MIER2: variants seen among roughly 807,000 people sequenced by gnomAD.
MIER2 encodes mesoderm induction early response protein 2.
In MIER2, 30 loss-of-function variants were observed where a neutral mutation model predicts 67.6. The observed-to-expected ratio is 0.44, with a 90% CI of 0.33 to 0.60. The LOEUF is 0.60. MIER2 is among the 20% of genes least tolerant of loss of function. The probability of loss-of-function intolerance (pLI) is 0.02; values close to 1 mark genes in which losing one functional copy is unlikely to be tolerated. For synonymous variants in MIER2, 372 were observed against 312.6 expected, an observed-to-expected ratio of 1.19 and a Z score of -2.00; for missense variants, 702 against 745.1, an observed-to-expected ratio of 0.94 and a Z score of 0.67.
At position 306,024 on chromosome 19, in the gene MIER2, C is replaced by G. The variant is rs1447446376; in HGVS notation, c.*666G>C. 6.6e-6 allele frequency: 1 copy of G among 152,508 alleles called. No homozygotes were observed. The highest frequency in any genetic ancestry group is 2.4e-5 in the African/African-American group (1 of 41,428). 9.4% of individuals were successfully genotyped at this position (152,508 alleles called of 1,614,324 possible). A position where few individuals can be genotyped will look rare whatever the true frequency, so the allele number is the denominator to read the frequency against. On this transcript the variant is annotated 3_prime_UTR_variant, in exon 14 of 14. Coordinates refer to ENST00000264819, the MANE Select transcript of MIER2 (RefSeq NM_017550.3). ...GCTGAGGGACCCCACCCCAACCGCTCAGGATCGGGGAGCAGGGATGGAGGG... is the reference window on the plus strand; with the variant it reads ...GCTGAGGGACCCCACCCCAACCGCTGAGGATCGGGGAGCAGGGATGGAGGG...
chr19:336,048 G>A (rs946690596), intron 2 of MIER2, 35 bp downstream of exon 2: 4 of 1,599,796 alleles, frequency 2.5e-6, no homozygotes, highest in Non-Finnish European at 3.4e-6. Context: ...AAAGGCCTTG[G>A]CGGACCTGAG....
In MIER2 at chr19:326,553, G is replaced by A. The variant is rs887782258; in HGVS notation, c.539C>T (p.Ser180Phe). 8.7e-6 allele frequency: 14 copies of A among 1,614,140 alleles called. No homozygotes were observed. The highest frequency in any genetic ancestry group is 1.2e-5 in the Non-Finnish European group (14 of 1,179,984). The stretch of plus-strand genomic sequence containing the variant: ...AAGAGAGTCCTCCTCGGTGTCGGAG[G>A]AGGCAGAAGAGCCAGGCTCTCTGTC... Reference protein sequence around the residue: ...DEDREPGSSASSDTEEDSLPA... With the variant: ...DEDREPGSSAFSDTEEDSLPA... The change falls in exon 6 of 14, where the codon TCC becomes TTC. Residue 180 changes from serine to phenylalanine, a missense_variant. Around this residue, in one of 3 missense-constraint regions of MIER2, gnomAD observed 320 missense variants for 292.6 expected, o/e 1.09. Transcript: ENST00000264819.
chr19:329,299 G>A (rs1971915876), intron 3 of MIER2, among the ~76,000 whole-genome samples: 1 of 152,204 alleles, frequency 6.6e-6, no homozygotes, highest in South Asian at 2.1e-4. Flanking sequence ...GGAAAGAACA[G>A]ATTCTGTATG....
intron 10 of MIER2, 104 bp downstream of exon 10, chr19:311,741 C>A: frequency 2.7e-6 from 3 of 1,103,276 alleles, no homozygotes; most frequent in Non-Finnish European, 4.0e-6. Flanking sequence ...ACACAGGACA[C>A]GGGGCTCCAG....
chr19:309,400 C>T (rs1212562819), intron 10 of MIER2, among the ~76,000 whole-genome samples: 3 of 152,080 alleles, frequency 2.0e-5, no homozygotes, highest in African/African-American at 4.8e-5. Flanking sequence ...GGCACAAGCC[C>T]GCGGCGCCTG....
chr19:312,022 TCAGCGGCGCCCAGGGCGGGGCCGC>T, intron 9 of MIER2, 83 bp from the exon 10 acceptor site: 5 of 1,097,938 alleles, frequency 4.6e-6, no homozygotes, highest in Admixed American at 2.5e-5. Context: ...GGGAGAACAG[TCAGCGGCGCCCAGGGCGGGGCCGC>T]AGCGGAAGGA....
chr19:322,540 C>T lies in MIER2; in HGVS notation c.655+3095G>A, dbSNP rs1302483856. Among the ~76,000 whole-genome samples, 6 of 152,002 alleles carry T rather than the reference C, an allele frequency of 3.9e-5. 1 individual carries two copies. Among genetic ancestry groups the T allele is most frequent in the Admixed American group, 3.9e-4 (6 of 15,248 alleles). ...CAACAAAATGGGAGAAAGCTTGGAG[C>T]ACGCAAAGAGAGAATATCCAAATGG... On this transcript the variant is annotated intron_variant, in intron 7 of 13. Coordinates refer to ENST00000264819, the MANE Select transcript of MIER2 (RefSeq NM_017550.3).
At position 308,414 on chromosome 19, in the gene MIER2, C is replaced by T. The variant is rs1051417680; in HGVS notation, c.1198+163G>A. On this transcript the variant is annotated intron_variant, in intron 12 of 13. Transcript: ENST00000264819. This position sits in a 1 kb window ranked among gnomAD's most constrained non-coding sequence, Gnocchi z 9.1. ...CCCTCTCCCAGCCAGGTGTACAGAG[C>T]GGCATCCACATCACGTGGCTGCCCT... Among the ~76,000 whole-genome samples, 1 of 152,182 alleles carries T rather than the reference C, an allele frequency of 6.6e-6. No individual in the cohort carries two copies. The highest frequency in any genetic ancestry group is 1.9e-4 in the East Asian group (1 of 5,188).
At chr19:343,081 G>A (rs78044261) in intron 1 of MIER2, among the ~76,000 whole-genome samples, 19 of 152,242 alleles carry the variant, frequency 1.2e-4, no homozygotes, top group Middle Eastern at 3.4e-3. Flanking sequence ...AGGACAGAGC[G>A]GGACCTCCTT....
chr19:311,746 C>T (rs546268228), intron 10 of MIER2, 99 bp downstream of exon 10: 13 of 1,151,366 alleles, frequency 1.1e-5, no homozygotes, highest in East Asian at 5.0e-5. Flanking sequence ...GGACACGGGG[C>T]TCCAGGCCTC....
intron 7 of MIER2, among the ~76,000 whole-genome samples, chr19:319,359 C>T: frequency 6.6e-6 from 1 of 152,006 alleles, no homozygotes; most frequent in South Asian, 2.1e-4. Context: ...GAGACCCTGT[C>T]ACACACACAC....
rs902058670 is a variant in MIER2 at position 318,863 on chromosome 19, T to G, written c.656-5220A>C. Among the ~76,000 whole-genome samples the G allele has an allele frequency of 2.0e-4, 30 of 151,840 alleles. 1 individual carries two copies. The highest frequency in any genetic ancestry group is 6.6e-5 in the Admixed American group (1 of 15,252). On this transcript the variant is annotated intron_variant, in intron 7 of 13. Transcript: ENST00000264819. ...TGAGGTCAGGAGATCCAGACCATCC[T>G]GGCTAACACAGTGAAACCCCGTCTC...
At chr19:327,841 T>C (rs1971829856) in intron 4 of MIER2, 23 bp downstream of exon 4, 3 of 1,610,506 alleles carry the variant, frequency 1.9e-6, no homozygotes, top group Non-Finnish European at 2.5e-6. Flanking sequence ...TGTGAGCCAG[T>C]TCCAGGAAGG....
chr19:308,942 G>A lies in MIER2; in HGVS notation c.985-17C>T, dbSNP rs1970796038. On this transcript the variant is annotated splice_polypyrimidine_tract_variant and intron_variant, in intron 10 of 13. Transcript: ENST00000264819. The surrounding 1 kb of genome is among the most constrained non-coding windows in gnomAD (Gnocchi z 9.1). ...TGTGCGCACCTGCGGGGAGGGGTCA[G>A]GAGCCATCTCTGTCCCCGGCTGCCC... is the stretch of plus-strand genomic sequence containing the variant. 1.3e-6 allele frequency: 2 copies of A among 1,594,414 alleles called. No individual in the cohort carries two copies. The highest frequency in any genetic ancestry group is 1.7e-5 in the Admixed American group (1 of 59,298).
intron 7 of MIER2, among the ~76,000 whole-genome samples, chr19:314,714 G>A (rs984942212): frequency 2.0e-5 from 3 of 151,734 alleles, no homozygotes; most frequent in African/African-American, 7.3e-5. Flanking sequence ...GGACAGAGGT[G>A]GTCTCCAAGA....
chr19:336,171 G>A lies in MIER2; in HGVS notation c.12C>T (p.Ala4=). 6.2e-7 allele frequency: 1 copy of A among 1,612,646 alleles called. No homozygotes were observed. The highest frequency in any genetic ancestry group is 8.5e-7 in the Non-Finnish European group (1 of 1,179,160). The change falls in exon 2 of 14, where the codon GCC becomes GCT. Residue 4 remains alanine (A), a splice_region_variant and synonymous_variant. Coordinates refer to ENST00000264819, the MANE Select transcript of MIER2 (RefSeq NM_017550.3). MAE[A]SSLGRQSPRV... Reference sequence around the variant, plus strand: ...GAGGACTCTGCCTCCCCAGCGAGGAGGCCTGCGAAGGAAGAGAGGCAGGGT... The same window carrying A: ...GAGGACTCTGCCTCCCCAGCGAGGAAGCCTGCGAAGGAAGAGAGGCAGGGT...
intron 7 of MIER2, among the ~76,000 whole-genome samples, chr19:315,079 A>G (rs938874746): frequency 6.6e-6 from 1 of 150,644 alleles, no homozygotes; most frequent in Non-Finnish European, 1.5e-5. Context: ...AAACAAGAAA[A>G]CAAGGCCAGG....
chr19:316,838 G>A (rs746062205), intron 7 of MIER2, among the ~76,000 whole-genome samples: 12 of 152,112 alleles, frequency 7.9e-5, no homozygotes, highest in East Asian at 3.9e-4. Context: ...GGATGGTGGC[G>A]TGTGCCTGTA....
At chr19:314,557 C>T (rs1971150842) in intron 7 of MIER2, among the ~76,000 whole-genome samples, 1 of 152,162 alleles carries the variant, frequency 6.6e-6, no homozygotes, top group Non-Finnish European at 1.5e-5. Context: ...GTCTCCACTG[C>T]CGGGGGCTGA....
Sources: gnomAD v4.1 joint callset for allele counts (sites outside exome capture counted in the v4.1 genomes callset) on GRCh38, gnomAD v4.1.1 for gene constraint, gnomAD v4.1.1 regional missense constraint, Gnocchi (gnomAD v3.1) non-coding constraint, MANE v1.5 for transcripts, NCBI Gene and HGNC (gene_info 2026-07-23, HGNC 2026-07-21) for gene names.